Variants in RBMS3 observed in about 807,000 individuals in gnomAD.
RBMS3 encodes RNA binding motif single stranded interacting protein 3, also known as RNA-binding motif, single-stranded-interacting protein 3.
Under a neutral mutation model 66.8 loss-of-function variants are expected in RBMS3, and 27 were observed. That is an observed-to-expected ratio of 0.40 (90% confidence interval 0.30 to 0.56). RBMS3 has a LOEUF of 0.56. Ranked by LOEUF, RBMS3 falls within the 20% of genes least tolerant of loss-of-function variation. The pLI is 0.40. For synonymous variants in RBMS3, 188 were observed against 183.0 expected (o/e 1.03, Z -0.22); for missense variants, 513 against 549.5 (o/e 0.93, Z 0.66).
intron 4 of RBMS3, among the ~76,000 whole-genome samples, chr3:29,692,874 A>C (rs572803038): frequency 6.6e-6 from 1 of 152,268 alleles, no homozygotes; most frequent in African/African-American, 2.4e-5. Flanking sequence ...TTAGTGTTCA[A>C]GTTTAGTGCT....
chr3:29,676,001 A>G (rs550984804), intron 4 of RBMS3, among the ~76,000 whole-genome samples: 1 of 152,348 alleles, frequency 6.6e-6, no homozygotes, highest in East Asian at 1.9e-4. Flanking sequence ...CACTATTCAC[A>G]ATAGCAAAGA....
At chr3:29,955,281 T>C (rs1200867888) in intron 12 of RBMS3, among the ~76,000 whole-genome samples, 1 of 152,022 alleles carries the variant, frequency 6.6e-6, no homozygotes, top group Non-Finnish European at 1.5e-5. Flanking sequence ...TCTTCTTCGC[T>C]TCTTCCATTT....
At chr3:30,002,174 C>T (rs530908878) in intron 14 of RBMS3, among the ~76,000 whole-genome samples, 74 of 152,100 alleles carry the variant, frequency 4.9e-4, no homozygotes, top group African/African-American at 1.7e-3. Flanking sequence ...GTAGTTCCAG[C>T]CTAGCTCATA....
At chr3:29,716,948 C>T (rs1018527162) in intron 4 of RBMS3, among the ~76,000 whole-genome samples, 1 of 151,744 alleles carries the variant, frequency 6.6e-6, no homozygotes, top group East Asian at 1.9e-4. Flanking sequence ...ATATATAATA[C>T]GTATTTTCTT....
chr3:29,586,469 G>A (rs943581930), intron 3 of RBMS3, among the ~76,000 whole-genome samples: 3 of 152,046 alleles, frequency 2.0e-5, no homozygotes, highest in Non-Finnish European at 2.9e-5. Context: ...GAATATTTAT[G>A]TATTTAATCA....
At chr3:29,800,431 C>A (rs967052540) in intron 6 of RBMS3, among the ~76,000 whole-genome samples, 2 of 152,066 alleles carry the variant, frequency 1.3e-5, no homozygotes, top group African/African-American at 2.4e-5. Flanking sequence ...ATATGTCTTA[C>A]AGATAAAGTT....
chr3:29,629,719 A>G lies in RBMS3; in HGVS notation c.399+42514A>G, dbSNP rs566281459. Among the ~76,000 whole-genome samples the G allele has an allele frequency of 5.9e-5, 9 of 152,100 alleles. No individual in the cohort carries two copies. In the East Asian group the frequency reaches 1.5e-3, roughly 26 times the overall value. On this transcript the variant is annotated intron_variant, in intron 4 of 14. Coordinates refer to ENST00000383767, the MANE Select transcript of RBMS3 (RefSeq NM_001003793.3). ...TGAATCAGCAGCTGGTCAATAATTG[A>G]TTTTATTTTATGTCCTATACCCTTT...
At chr3:29,493,738 T>C (rs192768861) in intron 3 of RBMS3, among the ~76,000 whole-genome samples, 7 of 152,302 alleles carry the variant, frequency 4.6e-5, no homozygotes, top group African/African-American at 1.7e-4. Context: ...ACTGTATGGT[T>C]CTTCGTTTTT....
intron 1 of RBMS3, among the ~76,000 whole-genome samples, chr3:29,347,461 T>A (rs1182082513): frequency 6.6e-6 from 1 of 152,228 alleles, no homozygotes; most frequent in Non-Finnish European, 1.5e-5. Flanking sequence ...TGAAATACAC[T>A]TGTAATCCTA....
chr3:29,610,665 G>A (rs761177182), intron 4 of RBMS3, among the ~76,000 whole-genome samples: 9 of 152,038 alleles, frequency 5.9e-5, no homozygotes, highest in Non-Finnish European at 1.2e-4. Context: ...AAGATACATA[G>A]TAGATTGTGG....
intron 3 of RBMS3, among the ~76,000 whole-genome samples, chr3:29,583,383 G>A (rs1438151476): frequency 6.6e-6 from 1 of 152,170 alleles, no homozygotes; most frequent in Non-Finnish European, 1.5e-5. Flanking sequence ...TGACCACTTA[G>A]CATTATGTGT....
At chr3:29,351,800 T>G (rs1172592610) in intron 1 of RBMS3, among the ~76,000 whole-genome samples, 1 of 152,102 alleles carries the variant, frequency 6.6e-6, no homozygotes, top group Admixed American at 6.6e-5. Flanking sequence ...CCACCAAAGC[T>G]TATGAATAAA....
At chr3:29,968,098 C>T (rs1429111172) in intron 12 of RBMS3, among the ~76,000 whole-genome samples, 2 of 152,108 alleles carry the variant, frequency 1.3e-5, no homozygotes, top group African/African-American at 4.8e-5. Context: ...TTGATGTAGG[C>T]ATTTAGGGCT....
intron 4 of RBMS3, among the ~76,000 whole-genome samples, chr3:29,620,772 C>T (rs74767846): frequency 0.02 from 3,029 of 152,130 alleles, 40 homozygotes; most frequent in Admixed American, 0.028. Context: ...TCCTAGAACT[C>T]ATTCCCTGGC....
At chr3:29,323,522 C>A (rs893673219) in intron 1 of RBMS3, among the ~76,000 whole-genome samples, 1 of 151,880 alleles carries the variant, frequency 6.6e-6, no homozygotes, top group Non-Finnish European at 1.5e-5. Flanking sequence ...CTTTATATGG[C>A]CTAAAAATGC....
chr3:29,922,422 G>A (rs1453624727), intron 10 of RBMS3, among the ~76,000 whole-genome samples: 1 of 150,568 alleles, frequency 6.6e-6, no homozygotes, highest in Non-Finnish European at 1.5e-5. Context: ...GGGAAGCGGA[G>A]CTTTCAGTGA....
At chr3:29,527,819 G>C (rs1214982415) in intron 3 of RBMS3, among the ~76,000 whole-genome samples, 1 of 136,552 alleles carries the variant, frequency 7.3e-6, no homozygotes, top group East Asian at 2.2e-4. Flanking sequence ...ACAAGCCCTG[G>C]TGTGTGATGT....
intron 4 of RBMS3, among the ~76,000 whole-genome samples, chr3:29,621,594 T>C (rs1051829145): frequency 6.6e-6 from 1 of 152,172 alleles, no homozygotes; most frequent in Admixed American, 6.5e-5. Context: ...CTTCCATTAG[T>C]TGGAAAGGAC....
intron 1 of RBMS3, among the ~76,000 whole-genome samples, chr3:29,296,568 A>G (rs2033277765): frequency 6.6e-6 from 1 of 151,768 alleles, no homozygotes; most frequent in South Asian, 2.1e-4. Flanking sequence ...TTGAATTCAA[A>G]TGTTAAGATC....
Sources: allele counts gnomAD v4.1 joint callset (sites outside exome capture counted in the v4.1 genomes callset), GRCh38; gene constraint gnomAD v4.1.1; transcripts MANE v1.5; gene names NCBI Gene and HGNC (gene_info 2026-07-23, HGNC 2026-07-21).